Variants in LARP4 observed in about 807,000 individuals in gnomAD.
The protein encoded by LARP4 is la-related protein 4.
LARP4 carries 29 observed loss-of-function variants against 92.9 expected under a neutral mutation model. The observed-to-expected ratio is 0.31, with a 90% CI of 0.23 to 0.43. The LOEUF (loss-of-function observed/expected upper bound fraction) is 0.43, where lower values mean the gene tolerates loss of function less well. Among genes scored for constraint, LARP4 ranks in the 20% least tolerant of loss-of-function variants. The pLI, the probability that LARP4 is intolerant of heterozygous loss-of-function variation, is 1.00. For missense variants in LARP4, 732 were observed against 860.0 expected (o/e 0.85, Z 1.86); for synonymous variants, 279 against 284.1 (o/e 0.98, Z 0.18).
In LARP4 at chr12:50,425,040, A is replaced by G. The variant is rs190929977; in HGVS notation, c.19-2722A>G. Among the ~76,000 whole-genome samples, 171 of 152,168 alleles carry G rather than the reference A, an allele frequency of 1.1e-3. 2 individuals are homozygous for G. The highest frequency in any genetic ancestry group is 3.9e-3 in the African/African-American group (163 of 41,530). On this transcript the variant is annotated intron_variant, in intron 1 of 15. Coordinates refer to ENST00000398473, the MANE Select transcript of LARP4 (RefSeq NM_052879.5). ...CGGGCACCTGTAATCCCAGCTATTC[A>G]GGAGGCTGAGGCAGGAGAATAGCTT...
At chr12:50,448,210 C>T (rs867835100) in intron 8 of LARP4, among the ~76,000 whole-genome samples, 24 of 152,208 alleles carry the variant, frequency 1.6e-4, no homozygotes, top group Middle Eastern at 3.4e-3. Flanking sequence ...ATACAATATA[C>T]CATCTTAATT....
intron 1 of LARP4, among the ~76,000 whole-genome samples, chr12:50,411,274 C>T (rs943238386): frequency 6.6e-6 from 1 of 151,866 alleles, no homozygotes; most frequent in Admixed American, 6.6e-5. Flanking sequence ...CAACCTCTGC[C>T]TCCCTGGTTC....
intron 1 of LARP4, among the ~76,000 whole-genome samples, chr12:50,406,446 A>G (rs1011629841): frequency 2.6e-5 from 4 of 152,074 alleles, no homozygotes; most frequent in Non-Finnish European, 5.9e-5. Context: ...ATGACACTGC[A>G]CTCCAGCCTG....
chr12:50,473,924 C>T (rs1048549068), intron 14 of LARP4, 75 bp from the exon 15 acceptor site: 55 of 1,304,458 alleles, frequency 4.2e-5, no homozygotes, highest in African/African-American at 3.6e-4. Context: ...AAAAAAATTA[C>T]GTTTTCTTCT....
At chr12:50,459,281 G>A (rs567176935) in intron 10 of LARP4, among the ~76,000 whole-genome samples, 4 of 152,134 alleles carry the variant, frequency 2.6e-5, no homozygotes, top group Admixed American at 1.3e-4. Context: ...TTACAGGCGT[G>A]AGCCACCATG....
intron 8 of LARP4, among the ~76,000 whole-genome samples, chr12:50,445,377 T>C (rs1951852997): frequency 1.3e-5 from 2 of 152,136 alleles, no homozygotes; most frequent in African/African-American, 4.8e-5. Flanking sequence ...TGTCAAGATG[T>C]TTTATTTTTG....
At chr12:50,412,005 C>T (rs1945992325) in intron 1 of LARP4, among the ~76,000 whole-genome samples, 1 of 152,132 alleles carries the variant, frequency 6.6e-6, no homozygotes, top group South Asian at 2.1e-4. Context: ...AGGTTTAAAT[C>T]CTGGTTTTGT....
intron 8 of LARP4, among the ~76,000 whole-genome samples, chr12:50,442,290 A>G (rs535769328): frequency 6.6e-6 from 1 of 152,236 alleles, no homozygotes; most frequent in Non-Finnish European, 1.5e-5. Flanking sequence ...CCTCATCTCA[A>G]TTAACTGCAT....
intron 11 of LARP4, 103 bp downstream of exon 11, chr12:50,461,450 G>T: frequency 9.1e-7 from 1 of 1,099,448 alleles, no homozygotes. Context: ...TTAATTATTG[G>T]TATATGGTTA....
chr12:50,426,621 A>G (rs1419585781), intron 1 of LARP4, among the ~76,000 whole-genome samples: 1 of 150,258 alleles, frequency 6.7e-6, no homozygotes, highest in Admixed American at 6.7e-5. Context: ...CACCATTTCA[A>G]GGCTCAGCCC....
chr12:50,401,964 A>G (rs912139620), intron 1 of LARP4, among the ~76,000 whole-genome samples: 2 of 152,134 alleles, frequency 1.3e-5, no homozygotes, highest in East Asian at 3.8e-4. Flanking sequence ...TAGATTCCAG[A>G]TCATATTGTT....
intron 1 of LARP4, among the ~76,000 whole-genome samples, chr12:50,422,977 T>G (rs1376182763): frequency 6.6e-6 from 1 of 151,738 alleles, no homozygotes; most frequent in African/African-American, 2.4e-5. Context: ...GCCACCATGC[T>G]TGGCTAATTT....
intron 1 of LARP4, among the ~76,000 whole-genome samples, chr12:50,417,407 C>CT (rs964593232): frequency 5.2e-4 from 79 of 151,824 alleles, no homozygotes; most frequent in Non-Finnish European, 3.4e-4. Context: ...AAAATTGCTA[C>CT]TTATACGTTC....
At chr12:50,470,944 C>T (rs1365665981) in intron 13 of LARP4, among the ~76,000 whole-genome samples, 1 of 152,092 alleles carries the variant, frequency 6.6e-6, no homozygotes, top group African/African-American at 2.4e-5. Context: ...ATATTTTAGG[C>T]TTTGTGGGCC....
Position 50,474,598 on chromosome 12 carries a change from C to T in LARP4, c.1836+431C>T, listed in dbSNP as rs57961012. On this transcript the variant is annotated intron_variant, in intron 15 of 15. Transcript: ENST00000398473. ...TCCTGACCTCGTGATCCACCCGCCT[C>T]GGCCTCCCAAAGTGCTGGGATTACA... is the stretch of plus-strand genomic sequence containing the variant. Among the ~76,000 whole-genome samples, 1,491 of 152,260 alleles carry T rather than the reference C, an allele frequency of 9.8e-3. 29 individuals carry two copies. The highest frequency in any genetic ancestry group is 0.034 in the African/African-American group (1,424 of 41,538).
intron 1 of LARP4, among the ~76,000 whole-genome samples, chr12:50,425,170 C>T (rs1948521668): frequency 6.6e-6 from 1 of 152,056 alleles, no homozygotes; most frequent in Non-Finnish European, 1.5e-5. Context: ...AAAAAAACTA[C>T]CTTGAAATGA....
chr12:50,447,018 G>A (rs539984605), intron 8 of LARP4, among the ~76,000 whole-genome samples: 12 of 152,138 alleles, frequency 7.9e-5, no homozygotes, highest in Non-Finnish European at 1.6e-4. Flanking sequence ...GCTTTCACAT[G>A]TGTTATTTCA....
At chr12:50,470,843 A>G (rs1398814487) in intron 13 of LARP4, among the ~76,000 whole-genome samples, 1 of 152,182 alleles carries the variant, frequency 6.6e-6, no homozygotes, top group Non-Finnish European at 1.5e-5. Context: ...CCCTTCAGAT[A>G]TAAACATTAT....
chr12:50,441,524 TA>T, intron 7 of LARP4, 65 bp from the exon 8 acceptor site: 1 of 1,173,422 alleles, frequency 8.5e-7, no homozygotes, highest in Non-Finnish European at 1.2e-6. Context: ...ACTCTCAACA[TA>T]ATAAAGATAA....
Sources: allele counts gnomAD v4.1 joint callset (sites outside exome capture counted in the v4.1 genomes callset), GRCh38; gene constraint gnomAD v4.1.1; transcripts MANE v1.5; gene names NCBI Gene and HGNC (gene_info 2026-07-23, HGNC 2026-07-21).